The following RBMS3 variants were observed in gnomAD, a reference collection of about 807,000 sequenced individuals.
The protein encoded by RBMS3 is RNA binding motif single stranded interacting protein 3.
Under a neutral mutation model 66.8 loss-of-function variants are expected in RBMS3, and 27 were observed. The observed-to-expected ratio is 0.40, with a 90% CI of 0.30 to 0.56. The LOEUF is 0.56. RBMS3 is among the 20% of genes least tolerant of loss of function. The pLI is 0.40. For synonymous variants in RBMS3, 188 were observed against 183.0 expected, an observed-to-expected ratio of 1.03 and a Z score of -0.22; for missense variants, 513 against 549.5, an observed-to-expected ratio of 0.93 and a Z score of 0.66.
chr3:29,518,739 T>A (rs2044738037), intron 3 of RBMS3, among the ~76,000 whole-genome samples: 1 of 152,210 alleles, frequency 6.6e-6, no homozygotes, highest in Non-Finnish European at 1.5e-5. Context: ...AAGGCAGAGG[T>A]CTACTTATAC....
chr3:29,588,685 T>C (rs2047619340), intron 4 of RBMS3, among the ~76,000 whole-genome samples: 1 of 152,086 alleles, frequency 6.6e-6, no homozygotes, highest in Admixed American at 6.6e-5. Context: ...AGATTATGCC[T>C]AGAAGCTTTG....
At chr3:29,655,555 C>T (rs191117091) in intron 4 of RBMS3, among the ~76,000 whole-genome samples, 56 of 152,180 alleles carry the variant, frequency 3.7e-4, no homozygotes, top group Middle Eastern at 3.4e-3. Context: ...CTCACATGTG[C>T]GTGATGATGC....
intron 4 of RBMS3, among the ~76,000 whole-genome samples, chr3:29,620,133 T>A (rs1305699888): frequency 6.6e-6 from 1 of 152,082 alleles, no homozygotes; most frequent in Admixed American, 6.6e-5. Context: ...AATGGAAAAT[T>A]TTGGAGATAT....
chr3:29,690,743 T>C (rs1336678422), intron 4 of RBMS3, among the ~76,000 whole-genome samples: 1 of 152,242 alleles, frequency 6.6e-6, no homozygotes, highest in East Asian at 1.9e-4. Context: ...CATTTTTGTT[T>C]TGCCTAAACA....
chr3:29,746,203 T>G (rs1221327198), intron 5 of RBMS3, among the ~76,000 whole-genome samples: 1 of 152,216 alleles, frequency 6.6e-6, no homozygotes, highest in African/African-American at 2.4e-5. Context: ...TCTATCAAAT[T>G]TTTTTAAATT....
At chr3:29,408,215 T>C (rs2040109602) in intron 1 of RBMS3, among the ~76,000 whole-genome samples, 1 of 136,000 alleles carries the variant, frequency 7.4e-6, no homozygotes, top group Admixed American at 8.8e-5. Flanking sequence ...GAGCTTGCAG[T>C]GAGCCGAGAT....
intron 6 of RBMS3, among the ~76,000 whole-genome samples, chr3:29,851,617 T>C (rs902529479): frequency 2.6e-5 from 4 of 152,224 alleles, no homozygotes; most frequent in Admixed American, 2.0e-4. Context: ...GCAATTTGCC[T>C]TTTAAAAGTT....
At chr3:29,890,546 CTGATTCACT>C (rs2059975940) in intron 8 of RBMS3, among the ~76,000 whole-genome samples, 1 of 151,530 alleles carries the variant, frequency 6.6e-6, no homozygotes, top group African/African-American at 2.4e-5. Flanking sequence ...TTGCTTAATG[CTGATTCACT>C]TGAGGTCAAT....
intron 6 of RBMS3, among the ~76,000 whole-genome samples, chr3:29,854,984 A>G (rs2059034993): frequency 6.6e-6 from 1 of 152,194 alleles, no homozygotes; most frequent in African/African-American, 2.4e-5. Flanking sequence ...CCCTAAAAAT[A>G]ATAATTTTTG....
intron 2 of RBMS3, among the ~76,000 whole-genome samples, chr3:29,447,951 C>A (rs143525765): frequency 6.6e-6 from 1 of 152,142 alleles, no homozygotes; most frequent in East Asian, 1.9e-4. Flanking sequence ...TAACATTATT[C>A]GTTTACCTGC....
At chr3:29,804,923 G>A (rs982373413) in intron 6 of RBMS3, among the ~76,000 whole-genome samples, 1 of 35,310 alleles carries the variant, frequency 2.8e-5, no homozygotes, top group Non-Finnish European at 7.2e-5. Flanking sequence ...GCGTGTACGT[G>A]TGTGTGTGTG....
At chr3:29,676,226 G>A (rs1484634853) in intron 4 of RBMS3, among the ~76,000 whole-genome samples, 1 of 152,162 alleles carries the variant, frequency 6.6e-6, no homozygotes, top group Admixed American at 6.5e-5. Flanking sequence ...ACTGAACAAT[G>A]AGAACACTTG....
intron 4 of RBMS3, among the ~76,000 whole-genome samples, chr3:29,723,705 G>A (rs1286303454): frequency 6.6e-6 from 1 of 152,080 alleles, no homozygotes; most frequent in Admixed American, 6.6e-5. Flanking sequence ...CATTGAGGTG[G>A]AGCTGAAAGA....
At chr3:29,361,026 TG>T (rs200444364) in intron 1 of RBMS3, among the ~76,000 whole-genome samples, 1,540 of 152,194 alleles carry the variant, frequency 0.01, 52 homozygotes, top group African/African-American at 0.035. Flanking sequence ...GTCTTTTAAT[TG>T]GAGCACTTAG....
At chr3:29,518,280 C>T (rs539386143) in intron 3 of RBMS3, among the ~76,000 whole-genome samples, 1 of 152,322 alleles carries the variant, frequency 6.6e-6, no homozygotes, top group Non-Finnish European at 1.5e-5. Flanking sequence ...TGGGCCTATA[C>T]CCACTTAGAA....
intron 4 of RBMS3, among the ~76,000 whole-genome samples, chr3:29,669,137 C>A (rs914892239): frequency 1.3e-5 from 2 of 152,210 alleles, no homozygotes; most frequent in African/African-American, 4.8e-5. Context: ...TGTCTCAAGG[C>A]AGAGCCAGCC....
chr3:29,863,228 GAGA>G (rs1447461243), intron 6 of RBMS3, among the ~76,000 whole-genome samples: 3 of 149,826 alleles, frequency 2.0e-5, no homozygotes, highest in Non-Finnish European at 4.4e-5. Context: ...GGGGTGGGGG[GAGA>G]GGGGGAGGGA....
intron 1 of RBMS3, among the ~76,000 whole-genome samples, chr3:29,312,429 CA>C (rs1318813781): frequency 6.6e-6 from 1 of 151,652 alleles, no homozygotes; most frequent in South Asian, 2.1e-4. Flanking sequence ...AAAGAGTGAT[CA>C]GGGGAAGGCA....
chr3:29,890,074 A>G (rs1432521415), intron 8 of RBMS3, among the ~76,000 whole-genome samples: 1 of 151,680 alleles, frequency 6.6e-6, no homozygotes, highest in African/African-American at 2.4e-5. Context: ...AAATTAAAGA[A>G]ATAGGAGGAT....
Sources: gnomAD v4.1 joint callset for allele counts (sites outside exome capture counted in the v4.1 genomes callset) on GRCh38, gnomAD v4.1.1 for gene constraint, MANE v1.5 for transcripts, NCBI Gene and HGNC (gene_info 2026-07-23, HGNC 2026-07-21) for gene names.